WDR70: variants seen among roughly 807,000 people sequenced by gnomAD.
WDR70 encodes the protein WD repeat-containing protein 70.
Under a neutral mutation model 88.6 loss-of-function variants are expected in WDR70, and 53 were observed. The ratio of observed to expected loss-of-function variants is 0.60; its 90% CI spans 0.48 to 0.75. WDR70 has a LOEUF of 0.75. Ranked by LOEUF, WDR70 falls within the 30% of genes least tolerant of loss-of-function variation. The pLI, the probability that WDR70 is intolerant of heterozygous loss-of-function variation, is 0.00. For missense variants in WDR70, 610 were observed against 823.2 expected (o/e 0.74, Z 3.17); for synonymous variants, 280 against 270.0 (o/e 1.04, Z -0.36).
At chr5:37,388,779 GA>G (rs1748713160) in intron 3 of WDR70, among the ~76,000 whole-genome samples, 1 of 150,768 alleles carries the variant, frequency 6.6e-6, no homozygotes, top group East Asian at 2.0e-4. Flanking sequence ...GAAAAAGAGG[GA>G]GGACTGGCAT....
At chr5:37,512,688 C>T (rs1372046378) in intron 8 of WDR70, among the ~76,000 whole-genome samples, 2 of 151,196 alleles carry the variant, frequency 1.3e-5, no homozygotes, top group Non-Finnish European at 2.9e-5. Context: ...CCCAAGAGAA[C>T]CTTCCATCTC....
At position 37,565,068 on chromosome 5, in the gene WDR70, C is replaced by T. The variant is rs192464597; in HGVS notation, c.918-39996C>T. The stretch of plus-strand genomic sequence containing the variant: ...CATTATAATAAACTTAACCACTTTA[C>T]ATGACATTTTATATAACAACAAAAG... On this transcript the variant is annotated intron_variant, in intron 9 of 17. Transcript: ENST00000265107. Among the ~76,000 whole-genome samples the T allele has an allele frequency of 3.2e-3, 488 of 152,258 alleles. 6 individuals carry two copies. The highest frequency in any genetic ancestry group is 0.011 in the African/African-American group (473 of 41,566).
chr5:37,583,420 C>CAA (rs142442041), intron 9 of WDR70, among the ~76,000 whole-genome samples: 52 of 59,240 alleles, frequency 8.8e-4, no homozygotes, highest in East Asian at 8.5e-3. Flanking sequence ...GACTCTGTCT[C>CAA]AAAAAAAAAA....
chr5:37,559,805 G>A (rs952226961), intron 9 of WDR70, among the ~76,000 whole-genome samples: 5 of 150,308 alleles, frequency 3.3e-5, no homozygotes, highest in East Asian at 2.0e-4. Context: ...AGATCACGCC[G>A]TTGCACTCCA....
At chr5:37,461,980 G>C (rs1370271465) in intron 7 of WDR70, among the ~76,000 whole-genome samples, 1 of 152,120 alleles carries the variant, frequency 6.6e-6, no homozygotes, top group Non-Finnish European at 1.5e-5. Context: ...TTCATATGAG[G>C]CTGTTGCACT....
At chr5:37,695,405 T>A (rs1746951843) in intron 10 of WDR70, among the ~76,000 whole-genome samples, 2 of 152,196 alleles carry the variant, frequency 1.3e-5, no homozygotes, top group Non-Finnish European at 2.9e-5. Flanking sequence ...TGGGGCCTGT[T>A]CATATCATTT....
intron 10 of WDR70, among the ~76,000 whole-genome samples, chr5:37,657,056 C>T (rs1745574988): frequency 6.6e-6 from 1 of 152,218 alleles, no homozygotes; most frequent in Admixed American, 6.5e-5. Context: ...AAAGAAACTC[C>T]TGCAGCTAGC....
At chr5:37,638,828 T>A (rs2112538217) in intron 10 of WDR70, among the ~76,000 whole-genome samples, 1 of 152,320 alleles carries the variant, frequency 6.6e-6, no homozygotes, top group African/African-American at 2.4e-5. Context: ...GGAAAAGTAA[T>A]AACTGACACC....
At chr5:37,489,026 A>G (rs1739982923) in intron 8 of WDR70, among the ~76,000 whole-genome samples, 1 of 152,134 alleles carries the variant, frequency 6.6e-6, no homozygotes, top group South Asian at 2.1e-4. Context: ...TTTGTGTAGT[A>G]GTGTAGTCTC....
chr5:37,595,201 G>A (rs187140347), intron 9 of WDR70, among the ~76,000 whole-genome samples: 296 of 152,262 alleles, frequency 1.9e-3, no homozygotes, highest in Middle Eastern at 0.01. Context: ...GTGAGAGAGG[G>A]CATCCTTTTG....
At chr5:37,579,065 A>C (rs1189055035) in intron 9 of WDR70, among the ~76,000 whole-genome samples, 1 of 152,248 alleles carries the variant, frequency 6.6e-6, no homozygotes, top group Non-Finnish European at 1.5e-5. Flanking sequence ...ATGAAGGAGC[A>C]AGCGAATGAA....
intron 10 of WDR70, among the ~76,000 whole-genome samples, chr5:37,684,185 C>T (rs1297473089): frequency 2.0e-5 from 3 of 152,060 alleles, no homozygotes; most frequent in African/African-American, 4.8e-5. Flanking sequence ...TTTTGTCTGT[C>T]AGTTCCTGTA....
chr5:37,726,547 T>C (rs1460862478), intron 16 of WDR70, among the ~76,000 whole-genome samples: 1 of 152,176 alleles, frequency 6.6e-6, no homozygotes, highest in Non-Finnish European at 1.5e-5. Flanking sequence ...CTAATGAATA[T>C]TGTTTATTTT....
At chr5:37,662,876 A>G (rs112609131) in intron 10 of WDR70, among the ~76,000 whole-genome samples, 29 of 152,362 alleles carry the variant, frequency 1.9e-4, no homozygotes, top group African/African-American at 6.5e-4. Context: ...CTACGTCAGT[A>G]GGATCATCAA....
At chr5:37,555,711 TTTTTGTTTTG>T (rs139350238) in intron 9 of WDR70, among the ~76,000 whole-genome samples, 62,037 of 151,538 alleles carry the variant, frequency 0.41, 14,816 homozygotes, top group Non-Finnish European at 0.54. Flanking sequence ...TGTTCAGTTT[TTTTTGTTTTG>T]TTTTGTTTTG....
chr5:37,582,379 C>T (rs1222921674), intron 9 of WDR70, among the ~76,000 whole-genome samples: 2 of 152,188 alleles, frequency 1.3e-5, no homozygotes, highest in African/African-American at 4.8e-5. Flanking sequence ...TTTTCGAAGT[C>T]CCTGTATCAG....
intron 9 of WDR70, among the ~76,000 whole-genome samples, chr5:37,591,199 G>GTA (rs1743523677): frequency 6.6e-6 from 1 of 152,102 alleles, no homozygotes; most frequent in African/African-American, 2.4e-5. Flanking sequence ...CAGGCATAGT[G>GTA]GCTCGTGCCT....
At chr5:37,546,393 G>A (rs1741993047) in intron 9 of WDR70, among the ~76,000 whole-genome samples, 1 of 152,122 alleles carries the variant, frequency 6.6e-6, no homozygotes, top group South Asian at 2.1e-4. Context: ...GTTTGATAAA[G>A]TTCAAGTTTG....
chr5:37,604,977 C>A, intron 9 of WDR70, 87 bp from the exon 10 acceptor site: 1 of 1,171,316 alleles, frequency 8.5e-7, no homozygotes, highest in Non-Finnish European at 1.1e-6. Context: ...AATGGCGAAG[C>A]AGTCTTTATG....
Sources: allele counts gnomAD v4.1 joint callset (sites outside exome capture counted in the v4.1 genomes callset), GRCh38; gene constraint gnomAD v4.1.1; transcripts MANE v1.5; gene names NCBI Gene and HGNC (gene_info 2026-07-23, HGNC 2026-07-21).